Variants in NKX6-1 observed in about 807,000 individuals in gnomAD.
NKX6-1 encodes the protein NK6 homeobox 1.
A neutral mutation model predicts 24.9 loss-of-function variants in NKX6-1; 11 were observed. The ratio of observed to expected loss-of-function variants is 0.44; its 90% CI spans 0.28 to 0.73. The LOEUF is 0.73. Ranked by LOEUF, NKX6-1 falls within the 30% of genes least tolerant of loss-of-function variation. The probability of loss-of-function intolerance (pLI) is 0.15; values close to 1 mark genes in which losing one functional copy is unlikely to be tolerated. For synonymous variants in NKX6-1, 277 were observed against 242.9 expected, an observed-to-expected ratio of 1.14 and a Z score of -1.31; for missense variants, 487 against 502.9, an observed-to-expected ratio of 0.97 and a Z score of 0.30.
rs933935481 is a variant in NKX6-1, at chr4:84,493,031, G to T, written c.*258C>A. 3.5e-6 allele frequency: 1 copy of T among 285,592 alleles called. No individual in the cohort carries two copies. Among genetic ancestry groups the T allele is most frequent in the Non-Finnish European group, 6.4e-6 (1 of 155,576 alleles). The allele number at this position is 285,592 out of a possible 1,614,324, so 17.7% of individuals were successfully genotyped here. ...CGTGGCCCGGCTGCGGGTTTCAGTA[G>T]CGACATTTACGCAGTGCATTTGGTG... On this transcript the variant is annotated 3_prime_UTR_variant, in exon 3 of 3. Transcript: ENST00000295886. This position sits in a 1 kb window ranked among gnomAD's most constrained non-coding sequence, Gnocchi z 5.1.
rs759394879 is a variant in NKX6-1 at position 84,495,699 on chromosome 4, C to G, written c.816G>C (p.Ser272=). 1 of 1,612,622 alleles carries G rather than the reference C, an allele frequency of 6.2e-7. No individual in the cohort carries two copies. The highest frequency in any genetic ancestry group is 8.5e-7 in the Non-Finnish European group (1 of 1,180,030). The change falls in exon 2 of 3, where the codon TCG becomes TCC. Residue 272 remains serine, a synonymous_variant. Coordinates refer to ENST00000295886, the MANE Select transcript of NKX6-1 (RefSeq NM_006168.3). Reference sequence around the variant, plus strand: ...TGACCTGACTCTCTGTCATCCCCAACGAATAGGCCAAACGAGCCCTCTCGG... The same window carrying G: ...TGACCTGACTCTCTGTCATCCCCAAGGAATAGGCCAAACGAGCCCTCTCGG... ...AGPERARLAY[S]LGMTESQVKV... is the part of the protein sequence containing the mutation.
rs1720875507 is a variant in NKX6-1 at position 84,498,428 on chromosome 4, C to T, written c.-200G>A. ...GCGCAGCAGAGATGTCCAAACCCTC[C>T]ACGCGGGAGGCGGCAGCTCGCCGAG... On this transcript the variant is annotated 5_prime_UTR_variant, in exon 1 of 3. Transcript: ENST00000295886. 1 of 492,496 alleles carries T rather than the reference C, an allele frequency of 2.0e-6. No individual in the cohort carries two copies. Among genetic ancestry groups the T allele is most frequent in the African/African-American group, 2.0e-5 (1 of 50,402 alleles). 30.5% of individuals were successfully genotyped at this position (492,496 alleles called of 1,614,324 possible). A position where few individuals can be genotyped will look rare whatever the true frequency, so the allele number is the denominator to read the frequency against.
rs1001343102 is a variant in NKX6-1 at position 84,493,573 on chromosome 4, G to A, written c.844-24C>T. On this transcript the variant is annotated intron_variant, in intron 2 of 2. Transcript: ENST00000295886. The surrounding 1 kb of genome is among the most constrained non-coding windows in gnomAD (Gnocchi z 5.1). ...ACCTGAGGGCGGAGAAAAGGGAGGA[G>A]AGGGGAGGCAAGGGCGAGGAATTAA... 6.2e-7 allele frequency: 1 copy of A among 1,613,094 alleles called. No individual in the cohort carries two copies. Among genetic ancestry groups the A allele is most frequent in the Admixed American group, 1.7e-5 (1 of 59,984 alleles).
chr4:84,495,461 A>T (rs1253523577), intron 2 of NKX6-1, among the ~76,000 whole-genome samples: 1 of 152,180 alleles, frequency 6.6e-6, no homozygotes. Flanking sequence ...CCTTTTGTTC[A>T]TCAAGAGTTT....
At position 84,497,874 on chromosome 4, in the gene NKX6-1, A is replaced by G; in HGVS notation, c.355T>C (p.Ser119Pro). ...VASGAALPSA[S>P]PSGSSSSSSS... ...GAGGAGGAGGAGGAACCGGAGGGCG[A>G]GGCGGAGGGCAGGGCGGCCCCCGAG... is the stretch of plus-strand genomic sequence containing the variant. Residue 119 changes from serine (S) to proline (P), a missense_variant, in exon 1 of 3, where the codon TCG (serine) becomes CCG (proline). Around this residue, in one of 3 missense-constraint regions of NKX6-1, gnomAD observed 316 missense variants for 311.4 expected, o/e 1.01. Coordinates refer to ENST00000295886, the MANE Select transcript of NKX6-1 (RefSeq NM_006168.3). This position sits in a 1 kb window ranked among gnomAD's most constrained non-coding sequence, Gnocchi z 4.8. 7.8e-7 allele frequency: 1 copy of G among 1,279,690 alleles called. No homozygotes were observed. The highest frequency in any genetic ancestry group is 9.9e-7 in the Non-Finnish European group (1 of 1,014,866). The allele number at this position is 1,279,690 out of a possible 1,614,324, so 79.3% of individuals were successfully genotyped here.
In NKX6-1 at chr4:84,493,315, C is replaced by G; in HGVS notation, c.1078G>C (p.Ala360Pro). 1 of 1,608,280 alleles carries G rather than the reference C, an allele frequency of 6.2e-7. No individual in the cohort carries two copies. The change falls in exon 3 of 3, where the codon GCG becomes CCG. Residue 360 changes from alanine to proline, a missense_variant. By Grantham distance (27) the Ala-to-Pro change is conservative. Around this residue, in one of 3 missense-constraint regions of NKX6-1, gnomAD observed 126 missense variants for 105.5 expected, o/e 1.19. Coordinates refer to ENST00000295886, the MANE Select transcript of NKX6-1 (RefSeq NM_006168.3). The surrounding 1 kb of genome is among the most constrained non-coding windows in gnomAD (Gnocchi z 5.1). Reference protein sequence around the residue: ...SGGGGGLLLHASEPESSS With the variant: ...SGGGGGLLLHPSEPESSS ...CAGGATGAGCTCTCCGGCTCGGACG[C>G]GTGCAGTAGGAGGCCGCCGCCGCCG...
chr4:84,498,245 A>T lies in NKX6-1; in HGVS notation c.-17T>A. On this transcript the variant is annotated 5_prime_UTR_variant, in exon 1 of 3. Transcript: ENST00000295886. ...CGCTAACATCCCACGGCCACGCCGG[A>T]GACCGTAGCCTTGCAGCGAGGGCGC... 1 of 1,293,788 alleles carries T rather than the reference A, an allele frequency of 7.7e-7. No homozygotes were observed. The highest frequency in any genetic ancestry group is 9.8e-7 in the Non-Finnish European group (1 of 1,020,514). 80.1% of individuals were successfully genotyped at this position (1,293,788 alleles called of 1,614,324 possible). A position where few individuals can be genotyped will look rare whatever the true frequency, so the allele number is the denominator to read the frequency against.
At position 84,493,387 on chromosome 4, in the gene NKX6-1, C is replaced by G. The variant is rs780036004; in HGVS notation, c.1006G>C (p.Asp336His). ...TTCAACAGCTGCGTGATTTTCTCGT[C>G]GTCCGAGTTGGGATCCAGAGGCTTA... Reference protein sequence around the residue: ...YNKPLDPNSDDEKITQLLKKH... With the variant: ...YNKPLDPNSDHEKITQLLKKH... Residue 336 changes from aspartate (D) to histidine (H), a missense_variant, in exon 3 of 3, where the codon GAC becomes CAC. Around this residue, in one of 3 missense-constraint regions of NKX6-1, gnomAD observed 126 missense variants for 105.5 expected, o/e 1.19. Coordinates refer to ENST00000295886, the MANE Select transcript of NKX6-1 (RefSeq NM_006168.3). This position sits in a 1 kb window ranked among gnomAD's most constrained non-coding sequence, Gnocchi z 5.1. 2 of 1,614,148 alleles carry G rather than the reference C, an allele frequency of 1.2e-6. No homozygotes were observed. The highest frequency in any genetic ancestry group is 1.1e-5 in the South Asian group (1 of 91,088).
rs1340988748 is a variant in NKX6-1, at chr4:84,497,501, G to C, written c.670+58C>G. The C allele has an allele frequency of 8.0e-7, 1 of 1,249,714 alleles. No homozygotes were observed. The highest frequency in any genetic ancestry group is 1.6e-5 in the African/African-American group (1 of 64,464). 77.4% of individuals were successfully genotyped at this position (1,249,714 alleles called of 1,614,324 possible). On this transcript the variant is annotated intron_variant, in intron 1 of 2. Coordinates refer to ENST00000295886, the MANE Select transcript of NKX6-1 (RefSeq NM_006168.3). This position sits in a 1 kb window ranked among gnomAD's most constrained non-coding sequence, Gnocchi z 4.8. The stretch of plus-strand genomic sequence containing the variant: ...GCATGCACACCAGGGGCCGCGACCC[G>C]GGAGTGGGCAGAACAGGCACGGCAG...
rs764320715 is a variant in NKX6-1, at chr4:84,497,946, G to C, written c.283C>G (p.Pro95Ala). The change falls in exon 1 of 3, where the codon CCA becomes GCA. Residue 95 changes from proline to alanine, a missense_variant. Pro to Ala is a conservative substitution (Grantham distance 27). Coordinates refer to ENST00000295886, the MANE Select transcript of NKX6-1 (RefSeq NM_006168.3). This position sits in a 1 kb window ranked among gnomAD's most constrained non-coding sequence, Gnocchi z 4.8. ...SPPQQLSAAT[P>A]HGINDILSRP... Reference sequence around the variant, plus strand: ...CTCAGGATATCGTTGATGCCGTGTGGGGTGGCGGCCGAGAGCTGCTGCGGG... The same window carrying C: ...CTCAGGATATCGTTGATGCCGTGTGCGGTGGCGGCCGAGAGCTGCTGCGGG... The C allele has an allele frequency of 7.7e-7, 1 of 1,300,808 alleles. No individual in the cohort carries two copies. Among genetic ancestry groups the C allele is most frequent in the Non-Finnish European group, 9.8e-7 (1 of 1,020,890 alleles). 80.6% of individuals were successfully genotyped at this position (1,300,808 alleles called of 1,614,324 possible).
At chr4:84,496,207 G>C (rs928334486) in intron 1 of NKX6-1, among the ~76,000 whole-genome samples, 1 of 151,658 alleles carries the variant, frequency 6.6e-6, no homozygotes. Flanking sequence ...GTCGGTGCTC[G>C]TTCGGCCCCG....
Position 84,498,243 on chromosome 4 carries a change from G to A in NKX6-1, c.-15C>T, listed in dbSNP as rs750336841. Reference sequence around the variant, plus strand: ...ACCGCTAACATCCCACGGCCACGCCGGAGACCGTAGCCTTGCAGCGAGGGC... The same window carrying A: ...ACCGCTAACATCCCACGGCCACGCCAGAGACCGTAGCCTTGCAGCGAGGGC... On this transcript the variant is annotated 5_prime_UTR_variant, in exon 1 of 3. Coordinates refer to ENST00000295886, the MANE Select transcript of NKX6-1 (RefSeq NM_006168.3). 11 of 1,293,622 alleles carry A rather than the reference G, an allele frequency of 8.5e-6. No individual in the cohort carries two copies. Among genetic ancestry groups the A allele is most frequent in the Non-Finnish European group, 1.1e-5 (11 of 1,020,486 alleles). The allele number at this position is 1,293,622 out of a possible 1,614,324, so 80.1% of individuals were successfully genotyped here. A position where few individuals can be genotyped will look rare whatever the true frequency, so the allele number is the denominator to read the frequency against.
intron 2 of NKX6-1, among the ~76,000 whole-genome samples, chr4:84,494,659 T>C (rs1449291070): frequency 6.6e-6 from 1 of 152,182 alleles, no homozygotes; most frequent in African/African-American, 2.4e-5. Flanking sequence ...CAAAAAATAA[T>C]TTTAACTGTG....
At position 84,498,099 on chromosome 4, in the gene NKX6-1, G is replaced by A. The variant is rs1720865831; in HGVS notation, c.130C>T (p.Pro44Ser). Reference protein sequence around the residue: ...PLYPAAYPPLPAGPPSSSSSS... With the variant: ...PLYPAAYPPLSAGPPSSSSSS... ...GACGAGGAGGAGGGGGGGCCGGCAGGCAGCGGGGGATACGCGGCAGGGTAC... is the reference window on the plus strand; with the variant it reads ...GACGAGGAGGAGGGGGGGCCGGCAGACAGCGGGGGATACGCGGCAGGGTAC... The change falls in exon 1 of 3, where the codon CCT becomes TCT. Residue 44 changes from proline to serine, a missense_variant. Around this residue, in one of 3 missense-constraint regions of NKX6-1, gnomAD observed 316 missense variants for 311.4 expected, o/e 1.01. Coordinates refer to ENST00000295886, the MANE Select transcript of NKX6-1 (RefSeq NM_006168.3). 8 of 1,266,376 alleles carry A rather than the reference G, an allele frequency of 6.3e-6. No homozygotes were observed. Among genetic ancestry groups the A allele is most frequent in the Admixed American group, 3.6e-5 (1 of 27,440 alleles). The allele number at this position is 1,266,376 out of a possible 1,614,324, so 78.4% of individuals were successfully genotyped here. A position where few individuals can be genotyped will look rare whatever the true frequency, so the allele number is the denominator to read the frequency against.
At chr4:84,494,642 C>T (rs1039368663) in intron 2 of NKX6-1, among the ~76,000 whole-genome samples, 4 of 152,162 alleles carry the variant, frequency 2.6e-5, no homozygotes, top group African/African-American at 7.2e-5. Flanking sequence ...TCTGTACCAA[C>T]CTACTGCAAA....
chr4:84,493,516 TC>T lies in NKX6-1; in HGVS notation c.876del (p.Lys293ArgfsTer51). The T allele has an allele frequency of 6.2e-7, 1 of 1,614,198 alleles. No individual in the cohort carries two copies. The highest frequency in any genetic ancestry group is 8.5e-7 in the Non-Finnish European group (1 of 1,180,032). On this transcript the variant is annotated frameshift_variant, in exon 3 of 3. Coordinates refer to ENST00000295886, the MANE Select transcript of NKX6-1 (RefSeq NM_006168.3). LOFTEE classifies it high-confidence loss of function. The surrounding 1 kb of genome is among the most constrained non-coding windows in gnomAD (Gnocchi z 5.1). ...VWFQNRRTKW[R>X]KKHAAEMATA... is the part of the protein sequence containing the mutation. ...GTGGCCATCTCGGCAGCGTGCTTCTTCCTCCACTTGGTCCGGCGGTTCTGGA... is the reference window on the plus strand; with the variant it reads ...GTGGCCATCTCGGCAGCGTGCTTCTTCTCCACTTGGTCCGGCGGTTCTGGA...
Position 84,493,202 on chromosome 4 carries a change from G to T in NKX6-1, c.*87C>A. On this transcript the variant is annotated 3_prime_UTR_variant, in exon 3 of 3. Transcript: ENST00000295886. The surrounding 1 kb of genome is among the most constrained non-coding windows in gnomAD (Gnocchi z 5.1). ...GGGTCCTCCGGGCCCCGAGGAGCGGGCAGGCGCGGCGTGCACGCGGTCCCC... is the reference window on the plus strand; with the variant it reads ...GGGTCCTCCGGGCCCCGAGGAGCGGTCAGGCGCGGCGTGCACGCGGTCCCC... 1 of 1,256,302 alleles carries T rather than the reference G, an allele frequency of 8.0e-7. No homozygotes were observed. Among genetic ancestry groups the T allele is most frequent in the South Asian group, 2.1e-5 (1 of 46,922 alleles). The allele number at this position is 1,256,302 out of a possible 1,614,324, so 77.8% of individuals were successfully genotyped here.
At position 84,493,811 on chromosome 4, in the gene NKX6-1, G is replaced by A. The variant is rs151169881; in HGVS notation, c.844-262C>T. On this transcript the variant is annotated intron_variant, in intron 2 of 2. Coordinates refer to ENST00000295886, the MANE Select transcript of NKX6-1 (RefSeq NM_006168.3). The surrounding 1 kb of genome is among the most constrained non-coding windows in gnomAD (Gnocchi z 5.1). ...ACAAGAGTATTGAGGTTGTCAGTGAGCGAGTTCTCAAAAGTAAAAACAAAA... is the reference window on the plus strand; with the variant it reads ...ACAAGAGTATTGAGGTTGTCAGTGAACGAGTTCTCAAAAGTAAAAACAAAA... 2.0e-5 allele frequency among the ~76,000 whole-genome samples: 3 copies of A among 152,318 alleles called. No homozygotes were observed. Among genetic ancestry groups the A allele is most frequent in the Admixed American group, 2.0e-4 (3 of 15,306 alleles).
In NKX6-1 at chr4:84,498,218, A is replaced by C. The variant is rs763094927; in HGVS notation, c.11T>G (p.Val4Gly). The change falls in exon 1 of 3, where the codon GTG (valine) becomes GGG (glycine). Residue 4 changes from valine to glycine, a missense_variant. By Grantham distance (109) the Val-to-Gly change is moderately radical (BLOSUM62 -3). Around this residue, in one of 3 missense-constraint regions of NKX6-1, gnomAD observed 316 missense variants for 311.4 expected, o/e 1.01. Coordinates refer to ENST00000295886, the MANE Select transcript of NKX6-1 (RefSeq NM_006168.3). MLA[V>G]GAMEGTRQSA... The stretch of plus-strand genomic sequence containing the variant: ...CTGCCGGGTGCCCTCCATTGCCCCC[A>C]CCGCTAACATCCCACGGCCACGCCG... The C allele has an allele frequency of 7.7e-7, 1 of 1,295,932 alleles. No individual in the cohort carries two copies. 80.3% of individuals were successfully genotyped at this position (1,295,932 alleles called of 1,614,324 possible).
Sources: gnomAD v4.1 joint callset for allele counts (sites outside exome capture counted in the v4.1 genomes callset) on GRCh38, gnomAD v4.1.1 for gene constraint, gnomAD v4.1.1 regional missense constraint, Gnocchi (gnomAD v3.1) non-coding constraint, MANE v1.5 for transcripts, NCBI Gene and HGNC (gene_info 2026-07-23, HGNC 2026-07-21) for gene names.